ZNF536: variants seen among roughly 807,000 people sequenced by gnomAD.
The protein encoded by ZNF536 is zinc finger protein 536.
Under a neutral mutation model 84.5 loss-of-function variants are expected in ZNF536, and 13 were observed. The ratio of observed to expected loss-of-function variants is 0.15; its 90% CI spans 0.10 to 0.24. The LOEUF (loss-of-function observed/expected upper bound fraction) is 0.24. Among genes scored for constraint, ZNF536 ranks in the 10% least tolerant of loss-of-function variants. ZNF536 has a pLI of 1.00. For synonymous variants in ZNF536, 811 were observed against 742.5 expected, an observed-to-expected ratio of 1.09 and a Z score of -1.50; for missense variants, 1,536 against 1,747.5, an observed-to-expected ratio of 0.88 and a Z score of 2.16.
At chr19:30,238,304 G>T (rs1383441454) in intron 1 of ZNF536, among the ~76,000 whole-genome samples, 3 of 152,114 alleles carry the variant, frequency 2.0e-5, no homozygotes, top group Admixed American at 6.5e-5. Flanking sequence ...TTGGCTGATT[G>T]ATTTCCTATG....
chr19:30,429,779 T>A (rs575034003), intron 1 of ZNF536, among the ~76,000 whole-genome samples: 1 of 152,258 alleles, frequency 6.6e-6, no homozygotes, highest in South Asian at 2.1e-4. Context: ...AATGAATGAA[T>A]GAGTATTTGC....
At chr19:30,439,672 G>T (rs2051923496) in intron 1 of ZNF536, among the ~76,000 whole-genome samples, 1 of 152,196 alleles carries the variant, frequency 6.6e-6, no homozygotes, top group Non-Finnish European at 1.5e-5. Flanking sequence ...GTAAGGCTCT[G>T]TGCAGGCTTC....
At chr19:30,656,952 G>A (rs897044563) in intron 1 of ZNF536, among the ~76,000 whole-genome samples, 3 of 152,172 alleles carry the variant, frequency 2.0e-5, no homozygotes, top group African/African-American at 7.2e-5. Context: ...CCTTCACAAA[G>A]CCTCCTCCCG....
At chr19:30,295,548 G>T (rs1366695348) in intron 2 of ZNF536, among the ~76,000 whole-genome samples, 1 of 152,184 alleles carries the variant, frequency 6.6e-6, no homozygotes, top group East Asian at 1.9e-4. Context: ...TGTTTCTGCG[G>T]CCCCAGGGAC....
At chr19:30,485,707 G>GA (rs143526620) in intron 2 of ZNF536, among the ~76,000 whole-genome samples, 37,979 of 151,008 alleles carry the variant, frequency 0.25, 6,659 homozygotes, top group African/African-American at 0.49. Context: ...GGGGTGGGGG[G>GA]AAACATCTTT....
chr19:30,534,795 C>A (rs2145929023), intron 2 of ZNF536, 52 bp from the exon 3 acceptor site: 2 of 1,528,954 alleles, frequency 1.3e-6, no homozygotes, highest in South Asian at 1.3e-5. Context: ...TTGGTGCGAA[C>A]AACTCCTGAC....
intron 1 of ZNF536, among the ~76,000 whole-genome samples, chr19:30,429,695 T>C (rs2051365705): frequency 6.6e-6 from 1 of 151,666 alleles, no homozygotes; most frequent in Non-Finnish European, 1.5e-5. Flanking sequence ...GAGGGCAGGG[T>C]GTTTGAGATT....
At position 30,451,835 on chromosome 19, in the gene ZNF536, C is replaced by A. The variant is rs906752717; in HGVS notation, c.2170+6103C>A. Among the ~76,000 whole-genome samples the A allele has an allele frequency of 2.6e-5, 4 of 152,168 alleles. No homozygotes were observed. The East Asian group carries it at 7.7e-4, about 29-fold the overall frequency. ...GCTCCATGAAGCTCTCCTCCCTATG[C>A]ATGTTAGCGCAAGGGACGGAACAGT... On this transcript the variant is annotated intron_variant, in intron 2 of 4. Coordinates refer to ENST00000355537, the MANE Select transcript of ZNF536 (RefSeq NM_014717.3).
chr19:30,463,853 G>A (rs1030082129), intron 2 of ZNF536, among the ~76,000 whole-genome samples: 2 of 152,126 alleles, frequency 1.3e-5, no homozygotes, highest in South Asian at 2.1e-4. Context: ...GGTGTGGCTC[G>A]GGGATGAAAC....
intron 1 of ZNF536, among the ~76,000 whole-genome samples, chr19:30,598,640 G>T (rs1208839046): frequency 6.6e-6 from 1 of 151,964 alleles, no homozygotes; most frequent in Non-Finnish European, 1.5e-5. Flanking sequence ...CAGAAAAATT[G>T]TTCACTCTAC....
chr19:30,374,481 T>A (rs576128584), intron 1 of ZNF536, among the ~76,000 whole-genome samples: 1 of 148,654 alleles, frequency 6.7e-6, no homozygotes, highest in East Asian at 2.0e-4. Context: ...CAGAGATCCA[T>A]AACCAATTAA....
At chr19:30,375,080 A>G (rs2048759994) in intron 1 of ZNF536, among the ~76,000 whole-genome samples, 1 of 151,572 alleles carries the variant, frequency 6.6e-6, no homozygotes, top group Non-Finnish European at 1.5e-5. Flanking sequence ...AGACGGTGGG[A>G]GTAACAAAGG....
At chr19:30,475,735 A>G (rs1435555895) in intron 2 of ZNF536, among the ~76,000 whole-genome samples, 1 of 151,896 alleles carries the variant, frequency 6.6e-6, no homozygotes, top group Non-Finnish European at 1.5e-5. Context: ...ACCCAACCCC[A>G]CACGAGCCCC....
chr19:30,464,978 A>G (rs2148461703), intron 2 of ZNF536, among the ~76,000 whole-genome samples: 1 of 152,206 alleles, frequency 6.6e-6, no homozygotes, highest in Admixed American at 6.5e-5. Flanking sequence ...CCTGATGAGA[A>G]CTGGGGCCGT....
intron 2 of ZNF536, among the ~76,000 whole-genome samples, chr19:30,320,044 G>A (rs1391725411): frequency 2.6e-5 from 4 of 152,176 alleles, no homozygotes; most frequent in African/African-American, 9.7e-5. Context: ...CATTGGACAG[G>A]AAGGAAATTA....
chr19:30,487,861 A>G (rs902155866), intron 2 of ZNF536, among the ~76,000 whole-genome samples: 4 of 152,332 alleles, frequency 2.6e-5, no homozygotes, highest in East Asian at 1.9e-4. Flanking sequence ...TTCAACTCCT[A>G]TAATTAGTGG....
intron 1 of ZNF536, among the ~76,000 whole-genome samples, chr19:30,281,198 T>TGGCTCTAGGAAGTCTCC (rs1555709476): frequency 6.6e-6 from 1 of 152,144 alleles, no homozygotes; most frequent in Non-Finnish European, 1.5e-5. Context: ...TGGAAGTACC[T>TGGCTCTAGGAAGTCTCC]CTGGCTCTAG....
intron 1 of ZNF536, among the ~76,000 whole-genome samples, chr19:30,641,848 G>A (rs2049277150): frequency 6.6e-6 from 1 of 152,216 alleles, no homozygotes; most frequent in African/African-American, 2.4e-5. Context: ...AGGAGACCTA[G>A]AGGATGGCAG....
intron 3 of ZNF536, among the ~76,000 whole-genome samples, chr19:30,354,751 G>T (rs551860371): frequency 4.6e-5 from 7 of 152,318 alleles, no homozygotes; most frequent in Non-Finnish European, 8.8e-5. Flanking sequence ...GACCAAGAAA[G>T]GGGGCAGGTA....
Sources: gnomAD v4.1 joint callset for allele counts (sites outside exome capture counted in the v4.1 genomes callset) on GRCh38, gnomAD v4.1.1 for gene constraint, MANE v1.5 for transcripts, NCBI Gene and HGNC (gene_info 2026-07-23, HGNC 2026-07-21) for gene names.